PCDHA13: variants seen among roughly 807,000 people sequenced by gnomAD.
PCDHA13 encodes the protein protocadherin alpha 13, also known as protocadherin alpha-13.
PCDHA13 carries 54 observed loss-of-function variants against 64.8 expected under a neutral mutation model. That is an observed-to-expected ratio of 0.83 (90% CI 0.67 to 1.04). PCDHA13 has a LOEUF of 1.04. Among genes scored for constraint, PCDHA13 ranks in the 50% least tolerant of loss-of-function variants. The pLI is 0.00. For missense variants in PCDHA13, 1,248 were observed against 1,254.3 expected, an observed-to-expected ratio of 0.99 and a Z score of 0.08; for synonymous variants, 587 against 564.4, an observed-to-expected ratio of 1.04 and a Z score of -0.57.
At chr5:140,977,094 T>C (rs1291290436) in intron 1 of PCDHA13, among the ~76,000 whole-genome samples, 1 of 152,206 alleles carries the variant, frequency 6.6e-6, no homozygotes, top group Non-Finnish European at 1.5e-5. Context: ...AATGTGTCAT[T>C]GGGGAAGTGA....
intron 1 of PCDHA13, among the ~76,000 whole-genome samples, chr5:140,901,318 T>A (rs1337437902): frequency 6.6e-6 from 1 of 152,202 alleles, no homozygotes; most frequent in African/African-American, 2.4e-5. Flanking sequence ...TTCCCCAATG[T>A]TTTCTTGTAG....
At chr5:140,984,453 T>C (rs2097104309) in intron 3 of PCDHA13, among the ~76,000 whole-genome samples, 1 of 152,254 alleles carries the variant, frequency 6.6e-6, no homozygotes, top group South Asian at 2.1e-4. Flanking sequence ...CCTTTCTTAC[T>C]GTCCCAGCCC....
At chr5:140,925,219 AG>A (rs1324328907) in intron 1 of PCDHA13, among the ~76,000 whole-genome samples, 1 of 152,238 alleles carries the variant, frequency 6.6e-6, no homozygotes, top group Admixed American at 6.5e-5. Context: ...ACTTTTAGGC[AG>A]GTTTCTACCA....
At chr5:140,978,572 A>T (rs1322135580) in intron 1 of PCDHA13, among the ~76,000 whole-genome samples, 2 of 152,234 alleles carry the variant, frequency 1.3e-5, no homozygotes, top group Non-Finnish European at 2.9e-5. Flanking sequence ...GTAATACTGA[A>T]TTGGGAATGT....
At chr5:141,003,616 G>A (rs1360535833) in intron 3 of PCDHA13, among the ~76,000 whole-genome samples, 1 of 152,132 alleles carries the variant, frequency 6.6e-6, no homozygotes, top group African/African-American at 2.4e-5. Flanking sequence ...CCCGGCCCCA[G>A]AGGGCAGTTT....
At chr5:140,957,130 A>C in intron 1 of PCDHA13, among the ~76,000 whole-genome samples, 1 of 152,188 alleles carries the variant, frequency 6.6e-6, no homozygotes, top group Middle Eastern at 3.2e-3. Flanking sequence ...TCTTTACTAC[A>C]CTATGAACTA....
intron 1 of PCDHA13, chr5:140,927,167 C>A (rs782612848): frequency 6.2e-7 from 1 of 1,614,164 alleles, no homozygotes; most frequent in Admixed American, 1.7e-5. Context: ...GCCAAAGCTG[C>A]CTGCGTCTTG....
chr5:140,994,550 T>A (rs1554254228), intron 3 of PCDHA13, among the ~76,000 whole-genome samples: 1 of 151,060 alleles, frequency 6.6e-6, no homozygotes, highest in Non-Finnish European at 1.5e-5. Context: ...AAAAAAAATA[T>A]AAAAATTAGC....
chr5:140,947,685 G>T (rs553954790), intron 1 of PCDHA13, among the ~76,000 whole-genome samples: 1 of 151,508 alleles, frequency 6.6e-6, no homozygotes, highest in South Asian at 2.1e-4. Flanking sequence ...AATTGTCTCA[G>T]CATGTTCTGT....
intron 1 of PCDHA13, among the ~76,000 whole-genome samples, chr5:140,937,894 A>G (rs1554211868): frequency 6.6e-6 from 1 of 150,462 alleles, no homozygotes; most frequent in Non-Finnish European, 1.5e-5. Context: ...CCTGGGCGAC[A>G]GAGTGAGACT....
chr5:140,988,623 T>C (rs147544785), intron 3 of PCDHA13, among the ~76,000 whole-genome samples: 188 of 152,312 alleles, frequency 1.2e-3, no homozygotes, highest in African/African-American at 3.6e-3. Context: ...AGAATGGAGA[T>C]GTCCTGGTTT....
At chr5:140,952,171 TG>T (rs2094700193) in intron 1 of PCDHA13, among the ~76,000 whole-genome samples, 1 of 152,084 alleles carries the variant, frequency 6.6e-6, no homozygotes, top group Non-Finnish European at 1.5e-5. Context: ...GTTCAGTTCC[TG>T]CAGCTGCTCT....
chr5:140,966,816 G>A lies in PCDHA13; in HGVS notation c.2395-12133G>A, dbSNP rs1448171487. On this transcript the variant is annotated intron_variant, in intron 1 of 3. Transcript: ENST00000289272. ...GCGGCGACAGAGCATCCACGGCTCC[G>A]GCGGCCCATGCCCTGGCTGCTGCTA... 5.2e-6 allele frequency: 8 copies of A among 1,553,302 alleles called. No homozygotes were observed. The East Asian group carries it at 7.2e-5, about 14-fold the overall frequency.
chr5:140,994,318 C>G (rs782231160), intron 3 of PCDHA13, among the ~76,000 whole-genome samples: 18 of 152,300 alleles, frequency 1.2e-4, no homozygotes, highest in Non-Finnish European at 1.6e-4. Context: ...CCCAAACACT[C>G]TCAGCAACCA....
At chr5:140,974,827 G>T (rs1356890991) in intron 1 of PCDHA13, among the ~76,000 whole-genome samples, 1 of 152,182 alleles carries the variant, frequency 6.6e-6, no homozygotes. Context: ...GCAACATAAT[G>T]ATTATTTTAA....
intron 3 of PCDHA13, among the ~76,000 whole-genome samples, chr5:140,983,853 A>T (rs1447321377): frequency 6.6e-6 from 1 of 152,230 alleles, no homozygotes; most frequent in African/African-American, 2.4e-5. Context: ...ATTAAGTAAC[A>T]TGCAGCTAAG....
intron 1 of PCDHA13, chr5:140,967,972 G>C: frequency 1.2e-6 from 2 of 1,614,190 alleles, no homozygotes; most frequent in Non-Finnish European, 1.7e-6. Flanking sequence ...AAGTGAGCCT[G>C]GGTCTGGAGG....
intron 1 of PCDHA13, among the ~76,000 whole-genome samples, chr5:140,906,888 A>C (rs1438258969): frequency 6.6e-6 from 1 of 152,102 alleles, no homozygotes; most frequent in Admixed American, 6.5e-5. Flanking sequence ...CTTCCTTCTT[A>C]GATTGTTGGT....
At chr5:140,914,962 T>C (rs1301307235) in intron 1 of PCDHA13, among the ~76,000 whole-genome samples, 2 of 136,964 alleles carry the variant, frequency 1.5e-5, no homozygotes, top group Non-Finnish European at 3.2e-5. Flanking sequence ...TTTTTTTTTT[T>C]CTGAGTCAGA....
Sources: allele counts gnomAD v4.1 joint callset (sites outside exome capture counted in the v4.1 genomes callset), GRCh38; gene constraint gnomAD v4.1.1; transcripts MANE v1.5; gene names NCBI Gene and HGNC (gene_info 2026-07-23, HGNC 2026-07-21).